The following PHF3 variants were observed in gnomAD, a reference collection of about 807,000 sequenced individuals.
The protein encoded by PHF3 is PHD finger protein 3.
Under a neutral mutation model 178.4 loss-of-function variants are expected in PHF3, and 41 were observed. The observed-to-expected ratio is 0.23, with a 90% CI of 0.18 to 0.30. The LOEUF is 0.30. Ranked by LOEUF, PHF3 falls within the 10% of genes least tolerant of loss-of-function variation. PHF3 has a pLI of 1.00. For missense variants in PHF3, 2,346 were observed against 2,398.1 expected (o/e 0.98, Z 0.45); for synonymous variants, 842 against 800.5 (o/e 1.05, Z -0.88).
intron 6 of PHF3, among the ~76,000 whole-genome samples, chr6:63,696,797 T>C (rs1244287631): frequency 1.3e-5 from 2 of 152,060 alleles, no homozygotes; most frequent in African/African-American, 2.4e-5. Context: ...GATTGTTAAG[T>C]CTATGACTTA....
At chr6:63,668,194 G>T (rs2149564509) in intron 2 of PHF3, among the ~76,000 whole-genome samples, 1 of 152,302 alleles carries the variant, frequency 6.6e-6, no homozygotes, top group South Asian at 2.1e-4. Flanking sequence ...GTTGCTTACA[G>T]TTCCTACTGA....
intron 1 of PHF3, among the ~76,000 whole-genome samples, chr6:63,640,610 A>G (rs1030044613): frequency 2.6e-5 from 4 of 152,232 alleles, no homozygotes; most frequent in Admixed American, 1.3e-4. Context: ...TTCTGGGTTC[A>G]GATTTTAGCT....
At chr6:63,688,011 C>T (rs981208768) in intron 4 of PHF3, among the ~76,000 whole-genome samples, 8 of 151,702 alleles carry the variant, frequency 5.3e-5, no homozygotes, top group East Asian at 1.9e-4. Context: ...GGTGAAACCC[C>T]GTCTCTACTA....
rs777104826 is a variant in PHF3 at position 63,691,836 on chromosome 6, A to G, written c.2289A>G (p.Glu763=). The G allele has an allele frequency of 3.7e-6, 6 of 1,613,482 alleles. No individual in the cohort carries two copies. Among genetic ancestry groups the G allele is most frequent in the Non-Finnish European group, 5.1e-6 (6 of 1,179,530 alleles). The part of the protein sequence containing the change: ...QAQQMGEEDK[E]YVCVKCCAEE... The stretch of plus-strand genomic sequence containing the variant: ...AGCAGATGGGCGAGGAAGACAAAGA[A>G]TATGTCTGTGTAAAATGTTGTGCTG... The change falls in exon 5 of 16, where the codon GAA becomes GAG. Residue 763 remains glutamate, a synonymous_variant. Transcript: ENST00000262043.
rs200260450 is a variant in PHF3 at position 63,713,059 on chromosome 6, C to T, written c.5471C>T (p.Pro1824Leu). ...CCATTTCCAGGGCCTCCTAATTTTC[C>T]CCCACAAAGCATGTTTGGATTTCCA... ...GFPFPGPPNF[P>L]PQSMFGFPPH... The change falls in exon 16 of 16, where the codon CCC (proline) becomes CTC (leucine). Residue 1824 changes from proline (P) to leucine (L), a missense_variant. By Grantham distance (98) the Pro-to-Leu change is moderately conservative. This residue lies in a region of PHF3 where 839 missense variants were observed against 806.9 expected (regional missense o/e 1.04). Transcript: ENST00000262043. The T allele has an allele frequency of 1.4e-4, 223 of 1,614,010 alleles. No homozygotes were observed. Among genetic ancestry groups the T allele is most frequent in the Non-Finnish European group, 1.8e-4 (213 of 1,179,958 alleles).
At chr6:63,677,616 T>C (rs1766226685) in intron 2 of PHF3, among the ~76,000 whole-genome samples, 1 of 152,228 alleles carries the variant, frequency 6.6e-6, no homozygotes, top group Non-Finnish European at 1.5e-5. Flanking sequence ...TTCATCAGGC[T>C]TTCCTTCTGG....
chr6:63,685,579 A>T lies in PHF3; in HGVS notation c.1857A>T (p.Val619=). The T allele has an allele frequency of 6.2e-7, 1 of 1,614,170 alleles. No individual in the cohort carries two copies. Among genetic ancestry groups the T allele is most frequent in the Non-Finnish European group, 8.5e-7 (1 of 1,180,024 alleles). ...EPHHPAQTGH[V]SHSSQKQCHK... ...ATCATCCTGCACAAACTGGACATGT[A>T]TCACATTCTAGCCAGAAACAGTGTC... The change falls in exon 4 of 16, where the codon GTA becomes GTT. Residue 619 remains valine, a synonymous_variant. Transcript: ENST00000262043.
At chr6:63,658,199 A>G (rs750429214) in intron 2 of PHF3, among the ~76,000 whole-genome samples, 1 of 152,214 alleles carries the variant, frequency 6.6e-6, no homozygotes, top group Non-Finnish European at 1.5e-5. Context: ...AGATTCTAAA[A>G]GTTAGACAAG....
intron 2 of PHF3, among the ~76,000 whole-genome samples, chr6:63,652,358 C>T (rs1765053339): frequency 6.6e-6 from 1 of 152,076 alleles, no homozygotes; most frequent in Non-Finnish European, 1.5e-5. Flanking sequence ...GATGTCTTTT[C>T]AGCTTATTTG....
chr6:63,711,178 G>A lies in PHF3; in HGVS notation c.3813G>A (p.Val1271=), dbSNP rs1767910944. 6.3e-7 allele frequency: 1 copy of A among 1,587,868 alleles called. No individual in the cohort carries two copies. The highest frequency in any genetic ancestry group is 1.4e-5 in the African/African-American group (1 of 73,840). Residue 1271 remains valine, a synonymous_variant, in exon 15 of 16, where the codon GTG becomes GTA. Transcript: ENST00000262043. ...ATTTTCTTGAACAGGAAATTTGTGT[G>A]GTTCGCTTCACACCAGTAACTGAAG... The part of the protein sequence containing the change: ...IKASGTKEIC[V]VRFTPVTEED...
chr6:63,638,005 CTT>C (rs138031382), intron 1 of PHF3, among the ~76,000 whole-genome samples: 3,696 of 152,140 alleles, frequency 0.024, 149 homozygotes, highest in African/African-American at 0.085. Flanking sequence ...CTTCAGATAA[CTT>C]TATCATGTTG....
chr6:63,663,042 A>G (rs1765535861), intron 2 of PHF3, among the ~76,000 whole-genome samples: 1 of 152,226 alleles, frequency 6.6e-6, no homozygotes, highest in Admixed American at 6.5e-5. Context: ...TTTGATATAA[A>G]GAATATCAAG....
At chr6:63,655,341 T>C (rs1765190052) in intron 2 of PHF3, among the ~76,000 whole-genome samples, 1 of 152,040 alleles carries the variant, frequency 6.6e-6, no homozygotes, top group Admixed American at 6.6e-5. Context: ...CTTCCCAAAG[T>C]GTTGAGATTA....
chr6:63,702,745 C>A, intron 10 of PHF3, 106 bp downstream of exon 10: 1 of 1,134,652 alleles, frequency 8.8e-7, no homozygotes, highest in East Asian at 2.4e-5. Flanking sequence ...AAATATGCAT[C>A]CATTTAAAAG....
At chr6:63,703,293 G>A (rs1055511133) in intron 10 of PHF3, among the ~76,000 whole-genome samples, 2 of 152,118 alleles carry the variant, frequency 1.3e-5, no homozygotes, top group African/African-American at 4.8e-5. Context: ...GAAATAATTT[G>A]AAATCTTACT....
chr6:63,682,216 C>G (rs1186386441), intron 3 of PHF3, among the ~76,000 whole-genome samples: 1 of 151,974 alleles, frequency 6.6e-6, no homozygotes, highest in Non-Finnish European at 1.5e-5. Context: ...AAAGAGGGAT[C>G]TAGAAATCTA....
In PHF3 at chr6:63,635,952, G is replaced by A. The variant is rs898711885; in HGVS notation, c.-224G>A. 2.6e-4 allele frequency: 105 copies of A among 398,068 alleles called. No individual in the cohort carries two copies. Among genetic ancestry groups the A allele is most frequent in the Non-Finnish European group, 2.3e-4 (51 of 225,754 alleles). The allele number at this position is 398,068 out of a possible 1,614,324, so 24.7% of individuals were successfully genotyped here. ...GGCTGCAACGAGGATTAGGAGGGCG[G>A]CGCGGAAGCCAAGAATAGTGTCGTC... is the stretch of plus-strand genomic sequence containing the variant. On this transcript the variant is annotated 5_prime_UTR_variant, in exon 1 of 16. Coordinates refer to ENST00000262043, the MANE Select transcript of PHF3 (RefSeq NM_001370348.2).
intron 2 of PHF3, among the ~76,000 whole-genome samples, chr6:63,659,338 C>A (rs868782109): frequency 1.1e-4 from 16 of 152,096 alleles, no homozygotes; most frequent in African/African-American, 3.9e-4. Flanking sequence ...ATTCTTTGAA[C>A]TGCTATTTTA....
At position 63,717,026 on chromosome 6, in the gene PHF3, A is replaced by C. The variant is rs1389929034; in HGVS notation, c.*3318A>C. Among the ~76,000 whole-genome samples the C allele has an allele frequency of 6.6e-6, 1 of 152,096 alleles. No individual in the cohort carries two copies. The highest frequency in any genetic ancestry group is 2.1e-4 in the South Asian group (1 of 4,838). Reference sequence around the variant, plus strand: ...ATCATCTACCAACAGCCCTTGACTTACTAATTGTAGTTTATTGTGGGTGAA... The same window carrying C: ...ATCATCTACCAACAGCCCTTGACTTCCTAATTGTAGTTTATTGTGGGTGAA... On this transcript the variant is annotated 3_prime_UTR_variant, in exon 16 of 16. Coordinates refer to ENST00000262043, the MANE Select transcript of PHF3 (RefSeq NM_001370348.2).
Sources: allele counts gnomAD v4.1 joint callset (sites outside exome capture counted in the v4.1 genomes callset), GRCh38; gene constraint gnomAD v4.1.1; regional missense constraint gnomAD v4.1.1; transcripts MANE v1.5; gene names NCBI Gene and HGNC (gene_info 2026-07-23, HGNC 2026-07-21).